Variants in MAP2 observed in about 807,000 individuals in gnomAD.
MAP2 encodes the protein microtubule-associated protein 2.
In MAP2, 14 loss-of-function variants were observed where a neutral mutation model predicts 137.6. The observed-to-expected ratio is 0.10, with a 90% CI of 0.07 to 0.16. The LOEUF is 0.16. Ranked by LOEUF, MAP2 falls within the 10% of genes least tolerant of loss-of-function variation. MAP2 has a pLI of 1.00. For missense variants in MAP2, 2,088 were observed against 2,191.5 expected, an observed-to-expected ratio of 0.95 and a Z score of 0.94; for synonymous variants, 786 against 782.3, an observed-to-expected ratio of 1.00 and a Z score of -0.08.
At chr2:209,600,373 G>T (rs1482936165) in intron 3 of MAP2, among the ~76,000 whole-genome samples, 1 of 152,178 alleles carries the variant, frequency 6.6e-6, no homozygotes, top group Non-Finnish European at 1.5e-5. Flanking sequence ...TGTTTCTCTT[G>T]AGGTTTATCT....
intron 5 of MAP2, among the ~76,000 whole-genome samples, chr2:209,660,325 C>G (rs929552023): frequency 6.6e-6 from 1 of 151,622 alleles, no homozygotes; most frequent in Non-Finnish European, 1.5e-5. Context: ...ACTATCACAT[C>G]CACATAACTC....
intron 14 of MAP2, among the ~76,000 whole-genome samples, chr2:209,728,210 T>G (rs747497037): frequency 3.3e-5 from 5 of 152,150 alleles, no homozygotes; most frequent in Non-Finnish European, 5.9e-5. Context: ...AGTAAATGAT[T>G]TCTATCAGAG....
chr2:209,553,065 G>A (rs191286325), intron 2 of MAP2, among the ~76,000 whole-genome samples: 60 of 151,344 alleles, frequency 4.0e-4, no homozygotes, highest in African/African-American at 1.3e-3. Flanking sequence ...AGGCTGGAGT[G>A]CAGTGGCACG....
intron 4 of MAP2, among the ~76,000 whole-genome samples, chr2:209,627,429 G>C (rs2092489056): frequency 6.6e-6 from 1 of 151,916 alleles, no homozygotes; most frequent in Non-Finnish European, 1.5e-5. Context: ...AACCTTTTTG[G>C]GCAAATTTGA....
At chr2:209,450,751 C>G (rs191509906) in intron 1 of MAP2, among the ~76,000 whole-genome samples, 8 of 152,230 alleles carry the variant, frequency 5.3e-5, no homozygotes, top group Admixed American at 2.6e-4. Flanking sequence ...ATTGGAAAGT[C>G]TGACTTCTCT....
chr2:209,549,268 T>G (rs1406089519), intron 2 of MAP2, among the ~76,000 whole-genome samples: 2 of 152,148 alleles, frequency 1.3e-5, no homozygotes, highest in African/African-American at 4.8e-5. Context: ...AAGTAGACAG[T>G]GGACAGTGTC....
Position 209,697,010 on chromosome 2 carries a change from C to A in MAP2, c.4481C>A (p.Thr1494Asn), listed in dbSNP as rs770255902. 1 of 1,613,112 alleles carries A rather than the reference C, an allele frequency of 6.2e-7. No homozygotes were observed. The highest frequency in any genetic ancestry group is 1.3e-5 in the African/African-American group (1 of 75,004). Residue 1494 changes from threonine (T) to asparagine (N), a missense_variant, in exon 10 of 16, where the codon ACT becomes AAT. Physicochemically the swap from Thr to Asn is moderately conservative, Grantham distance 65 (BLOSUM62 0). Coordinates refer to ENST00000682079, the MANE Select transcript of MAP2 (RefSeq NM_001375505.1). ...KFILKPAIKY[T>N]RPTHLSCVKR... ...ATTTTAAAACCTGCTATCAAATATA[C>A]TAGACCAACTCATCTCTCCTGTGTT...
intron 2 of MAP2, among the ~76,000 whole-genome samples, chr2:209,567,227 G>A (rs986108586): frequency 2.5e-4 from 38 of 152,060 alleles, no homozygotes; most frequent in African/African-American, 8.7e-4. Context: ...TGTACCCAGT[G>A]TAAAAGGAGC....
rs777729885 is a variant in MAP2 at position 209,693,390 on chromosome 2, T to A, written c.1220T>A (p.Val407Asp). 5 of 1,611,814 alleles carry A rather than the reference T, an allele frequency of 3.1e-6. No individual in the cohort carries two copies. Among genetic ancestry groups the A allele is most frequent in the Admixed American group, 3.4e-5 (2 of 59,512 alleles). Residue 407 changes from valine to aspartate, a missense_variant, in exon 8 of 16, where the codon GTT becomes GAT. Val to Asp is a radical substitution (Grantham distance 152). Transcript: ENST00000682079. ...PVVEEHVMGK[V>D]LEEEKEAINQ... ...GTAGAAGAACATGTTATGGGGAAAG[T>A]TTTAGAGGAAGAAAAGGAGGCCATA...
rs564717331 is a variant in MAP2 at position 209,531,902 on chromosome 2, A to G, written c.-172+24261A>G. ...TTTAAATAATGTTTTCTAAAATACT[A>G]TAATATAAATGTTGATTTGTTTCCT... On this transcript the variant is annotated intron_variant, in intron 2 of 15. Coordinates refer to ENST00000682079, the MANE Select transcript of MAP2 (RefSeq NM_001375505.1). Among the ~76,000 whole-genome samples the G allele has an allele frequency of 3.9e-5, 6 of 152,260 alleles. No individual in the cohort carries two copies. The South Asian group carries it at 8.3e-4, about 21-fold the overall frequency.
chr2:209,496,178 G>C (rs1403839618), intron 1 of MAP2, among the ~76,000 whole-genome samples: 1 of 152,134 alleles, frequency 6.6e-6, no homozygotes, highest in African/African-American at 2.4e-5. Flanking sequence ...TCTGGGGAGT[G>C]AGTCATTCCA....
intron 7 of MAP2, among the ~76,000 whole-genome samples, chr2:209,690,244 C>T (rs1427333242): frequency 6.6e-6 from 1 of 151,972 alleles, no homozygotes; most frequent in African/African-American, 2.4e-5. Flanking sequence ...ATCTGTTATC[C>T]GGCAGTACCA....
chr2:209,430,309 T>C (rs1693908168), intron 1 of MAP2, among the ~76,000 whole-genome samples: 2 of 151,892 alleles, frequency 1.3e-5, no homozygotes, highest in African/African-American at 4.8e-5. Context: ...TAACAACTTC[T>C]CAGCCTGCTA....
At chr2:209,652,561 C>A (rs554499137) in intron 4 of MAP2, among the ~76,000 whole-genome samples, 3 of 152,096 alleles carry the variant, frequency 2.0e-5, no homozygotes, top group African/African-American at 7.2e-5. Flanking sequence ...TATCTACCTT[C>A]GGCTTTAATT....
intron 4 of MAP2, among the ~76,000 whole-genome samples, chr2:209,649,201 A>C (rs1200887091): frequency 7.0e-6 from 1 of 142,856 alleles, no homozygotes; most frequent in Non-Finnish European, 1.5e-5. Flanking sequence ...TTTTTTGTAG[A>C]GATGGGGGTC....
chr2:209,442,733 C>T (rs1039310741), intron 1 of MAP2, among the ~76,000 whole-genome samples: 3 of 151,608 alleles, frequency 2.0e-5, no homozygotes, highest in African/African-American at 7.3e-5. Context: ...GTTCTGCAGG[C>T]ACTTGAAACT....
chr2:209,486,777 A>G (rs2058444487), intron 1 of MAP2, among the ~76,000 whole-genome samples: 1 of 152,222 alleles, frequency 6.6e-6, no homozygotes, highest in South Asian at 2.1e-4. Context: ...TTTTCATTCC[A>G]ATATAATACT....
At chr2:209,517,544 T>C (rs2062685699) in intron 2 of MAP2, among the ~76,000 whole-genome samples, 1 of 152,066 alleles carries the variant, frequency 6.6e-6, no homozygotes, top group Non-Finnish European at 1.5e-5. Context: ...TTCATGTACA[T>C]GTCATGGATT....
intron 2 of MAP2, among the ~76,000 whole-genome samples, chr2:209,577,897 C>A (rs1169491654): frequency 6.6e-6 from 1 of 152,172 alleles, no homozygotes; most frequent in Non-Finnish European, 1.5e-5. Flanking sequence ...ACCCCAGATT[C>A]CTCAGACCTC....
Sources: allele counts gnomAD v4.1 joint callset (sites outside exome capture counted in the v4.1 genomes callset), GRCh38; gene constraint gnomAD v4.1.1; transcripts MANE v1.5; gene names NCBI Gene and HGNC (gene_info 2026-07-23, HGNC 2026-07-21).